Variants in NDUFS6 observed in about 807,000 individuals in gnomAD.
The protein encoded by NDUFS6 is NADH:ubiquinone oxidoreductase subunit S6.
A neutral mutation model predicts 13.2 loss-of-function variants in NDUFS6; 14 were observed. The ratio of observed to expected loss-of-function variants is 1.06; its 90% CI spans 0.70 to 1.66. The LOEUF is 1.66. NDUFS6 is among the 40% of genes most tolerant of loss of function. The pLI, the probability that NDUFS6 is intolerant of heterozygous loss-of-function variation, is 0.00. For missense variants in NDUFS6, 206 were observed against 170.8 expected (o/e 1.21, Z -1.15); for synonymous variants, 95 against 72.3 (o/e 1.31, Z -1.60).
At position 1,814,444 on chromosome 5, in the gene NDUFS6, A is replaced by C. The variant is rs1226375034; in HGVS notation, c.292A>C (p.Lys98Gln). Reference sequence around the variant, plus strand: ...CGGCGGGGGAGCTCTTGGCCACCCAAAAGTGTATATAAACTTGGTGCGTAG... The same window carrying C: ...CGGCGGGGGAGCTCTTGGCCACCCACAAGTGTATATAAACTTGGTGCGTAG... ...DGGGGALGHPKVYINLDKETK... is the reference protein window; with the variant it reads ...DGGGGALGHPQVYINLDKETK... The change falls in exon 3 of 4, where the codon AAA (lysine) becomes CAA (glutamine). Residue 98 changes from lysine (K) to glutamine (Q), a missense_variant. Coordinates refer to ENST00000274137, the MANE Select transcript of NDUFS6 (RefSeq NM_004553.6). The surrounding 1 kb of genome is among the most constrained non-coding windows in gnomAD (Gnocchi z 4.9). 4 of 1,614,152 alleles carry C rather than the reference A, an allele frequency of 2.5e-6. No homozygotes were observed. In the South Asian group the frequency reaches 4.4e-5, roughly 18 times the overall value.
chr5:1,813,949 T>A (rs1734261633), intron 2 of NDUFS6, among the ~76,000 whole-genome samples: 1 of 152,240 alleles, frequency 6.6e-6, no homozygotes, highest in South Asian at 2.1e-4. Context: ...GAGAGAATGT[T>A]CTTATGAAAC....
chr5:1,815,052 C>T (rs1438232727), intron 3 of NDUFS6, among the ~76,000 whole-genome samples: 1 of 152,116 alleles, frequency 6.6e-6, no homozygotes, highest in South Asian at 2.1e-4. Context: ...ACAGTCACAT[C>T]GGGGGTTAGG....
intron 2 of NDUFS6, among the ~76,000 whole-genome samples, chr5:1,812,416 A>G (rs901742082): frequency 6.6e-6 from 1 of 150,716 alleles, no homozygotes; most frequent in Non-Finnish European, 1.5e-5. Flanking sequence ...AAATATGTTT[A>G]TGAAATCATG....
chr5:1,808,744 T>C (rs1734165992), intron 2 of NDUFS6, among the ~76,000 whole-genome samples: 1 of 152,254 alleles, frequency 6.6e-6, no homozygotes, highest in South Asian at 2.1e-4. Context: ...GAGCATTTTC[T>C]ATAAAGTTAC....
intron 2 of NDUFS6, among the ~76,000 whole-genome samples, chr5:1,805,242 G>A (rs1286618229): frequency 6.6e-6 from 1 of 152,092 alleles, no homozygotes; most frequent in African/African-American, 2.4e-5. Flanking sequence ...GAGGTGGGAG[G>A]GTCATTGAGT....
Position 1,814,505 on chromosome 5 carries a change from G to C in NDUFS6, c.309+44G>C, listed in dbSNP as rs375252736. 16 of 1,613,710 alleles carry C rather than the reference G, an allele frequency of 9.9e-6. No homozygotes were observed. Among genetic ancestry groups the C allele is most frequent in the African/African-American group, 8.0e-5 (6 of 74,898 alleles). ...GTGCACATGTTAGGGCAGCCTGCTCGTCCTCATACTCCCCTTCACTCCCAG... is the reference window on the plus strand; with the variant it reads ...GTGCACATGTTAGGGCAGCCTGCTCCTCCTCATACTCCCCTTCACTCCCAG... On this transcript the variant is annotated intron_variant, in intron 3 of 3. Coordinates refer to ENST00000274137, the MANE Select transcript of NDUFS6 (RefSeq NM_004553.6). The surrounding 1 kb of genome is among the most constrained non-coding windows in gnomAD (Gnocchi z 4.9).
chr5:1,809,472 A>T (rs1734184517), intron 2 of NDUFS6, among the ~76,000 whole-genome samples: 1 of 152,090 alleles, frequency 6.6e-6, no homozygotes, highest in South Asian at 2.1e-4. Flanking sequence ...GGGTGTGTTC[A>T]CTGCTGGTTC....
At chr5:1,805,325 A>G (rs1409307943) in intron 2 of NDUFS6, among the ~76,000 whole-genome samples, 2 of 152,206 alleles carry the variant, frequency 1.3e-5, no homozygotes, top group African/African-American at 2.4e-5. Flanking sequence ...GCAAGACTCT[A>G]TCTCCAGAAA....
intron 2 of NDUFS6, among the ~76,000 whole-genome samples, chr5:1,810,561 A>G: frequency 6.6e-6 from 1 of 152,236 alleles, no homozygotes; most frequent in East Asian, 1.9e-4. Context: ...CAAATACATT[A>G]TTTGCCAAGC....
rs753044455 is a variant in NDUFS6 at position 1,814,694 on chromosome 5, T to C, written c.309+233T>C. The C allele has an allele frequency of 4.6e-5, 34 of 734,448 alleles. No individual in the cohort carries two copies. Among genetic ancestry groups the C allele is most frequent in the African/African-American group, 4.2e-4 (24 of 57,782 alleles). The allele number at this position is 734,448 out of a possible 1,614,324, so 45.5% of individuals were successfully genotyped here. A position where few individuals can be genotyped will look rare whatever the true frequency, so the allele number is the denominator to read the frequency against. ...TGAAGTGGTGGGCGGCATGTTTCTC[T>C]TCTCGGACGCCCAAGCGTCTTTCCT... On this transcript the variant is annotated intron_variant, in intron 3 of 3. Transcript: ENST00000274137. This position sits in a 1 kb window ranked among gnomAD's most constrained non-coding sequence, Gnocchi z 4.9.
At chr5:1,811,851 GAT>G (rs1192567123) in intron 2 of NDUFS6, among the ~76,000 whole-genome samples, 1 of 152,184 alleles carries the variant, frequency 6.6e-6, no homozygotes, top group Non-Finnish European at 1.5e-5. Flanking sequence ...AAGAGACTTT[GAT>G]CATTGTCTCT....
At chr5:1,810,800 CT>C (rs1734207005) in intron 2 of NDUFS6, among the ~76,000 whole-genome samples, 1 of 151,680 alleles carries the variant, frequency 6.6e-6, no homozygotes, top group Admixed American at 6.6e-5. Flanking sequence ...CAGCTCTGCT[CT>C]GCCTCTCCCC....
At chr5:1,807,324 C>A (rs1734143251) in intron 2 of NDUFS6, among the ~76,000 whole-genome samples, 1 of 152,046 alleles carries the variant, frequency 6.6e-6, no homozygotes, top group African/African-American at 2.4e-5. Context: ...AATGGAGTTT[C>A]AGTTTACGAA....
chr5:1,806,838 C>T lies in NDUFS6; in HGVS notation c.186+4464C>T, dbSNP rs186677906. Among the ~76,000 whole-genome samples, 233 of 152,260 alleles carry T rather than the reference C, an allele frequency of 1.5e-3. 1 individual carries two copies. The highest frequency in any genetic ancestry group is 4.2e-3 in the African/African-American group (174 of 41,520). On this transcript the variant is annotated intron_variant, in intron 2 of 3. Transcript: ENST00000274137. ...GCCCAAAAGAACTGAAAGCGGGGTC[C>T]GGGGTACACTCGTGTCATAGCAGCA...
chr5:1,809,361 C>G (rs903576412), intron 2 of NDUFS6, among the ~76,000 whole-genome samples: 6 of 152,158 alleles, frequency 3.9e-5, no homozygotes, highest in Non-Finnish European at 8.8e-5. Context: ...GAGAATGGAG[C>G]CTTGAGTCTG....
At chr5:1,809,576 C>T (rs1052133614) in intron 2 of NDUFS6, among the ~76,000 whole-genome samples, 7 of 152,198 alleles carry the variant, frequency 4.6e-5, no homozygotes, top group East Asian at 1.9e-4. Context: ...CACTAAATGA[C>T]GGGAGGGCAT....
intron 2 of NDUFS6, among the ~76,000 whole-genome samples, chr5:1,809,565 A>G (rs137982820): frequency 2.2e-4 from 33 of 152,312 alleles, no homozygotes; most frequent in African/African-American, 7.9e-4. Flanking sequence ...TGAGCTGCGC[A>G]CACTAAATGA....
chr5:1,803,229 T>C (rs756648734), intron 2 of NDUFS6, among the ~76,000 whole-genome samples: 2 of 152,254 alleles, frequency 1.3e-5, no homozygotes, highest in African/African-American at 2.4e-5. Context: ...GCTCACATGA[T>C]CATGAATTGA....
chr5:1,807,201 A>AGGTACTCAG (rs1437218968), intron 2 of NDUFS6, among the ~76,000 whole-genome samples: 28 of 151,124 alleles, frequency 1.9e-4, no homozygotes, highest in South Asian at 4.2e-4. Context: ...GTACTGTGTG[A>AGGTACTCAG]ACACTGTGTG....
Sources: allele counts gnomAD v4.1 joint callset (sites outside exome capture counted in the v4.1 genomes callset), GRCh38; gene constraint gnomAD v4.1.1; non-coding constraint Gnocchi (gnomAD v3.1); transcripts MANE v1.5; gene names NCBI Gene and HGNC (gene_info 2026-07-23, HGNC 2026-07-21).